Variants in PCDH9 observed in about 807,000 individuals in gnomAD.
The protein encoded by PCDH9 is protocadherin-9.
PCDH9 carries 24 observed loss-of-function variants against 70.6 expected under a neutral mutation model. The ratio of observed to expected loss-of-function variants is 0.34; its 90% CI spans 0.25 to 0.48. PCDH9 has a LOEUF of 0.48. PCDH9 is among the 20% of genes least tolerant of loss of function. PCDH9 has a pLI of 0.99. For missense variants in PCDH9, 1,281 were observed against 1,503.6 expected, an observed-to-expected ratio of 0.85 and a Z score of 2.45; for synonymous variants, 562 against 558.5, an observed-to-expected ratio of 1.01 and a Z score of -0.09.
chr13:66,472,221 A>G (rs1170444800), intron 4 of PCDH9, among the ~76,000 whole-genome samples: 2 of 151,132 alleles, frequency 1.3e-5, no homozygotes, highest in Admixed American at 1.3e-4. Context: ...CAAAAAAAAA[A>G]AAAAAAGAAA....
At chr13:66,337,742 T>C (rs1257105069) in intron 4 of PCDH9, among the ~76,000 whole-genome samples, 1 of 152,096 alleles carries the variant, frequency 6.6e-6, no homozygotes, top group African/African-American at 2.4e-5. Context: ...TTTGAGGTTA[T>C]AGTCATAGCC....
intron 2 of PCDH9, chr13:67,224,946 C>A: frequency 3.0e-6 from 3 of 998,074 alleles, no homozygotes; most frequent in Non-Finnish European, 3.6e-6. Flanking sequence ...AAAAAATTAA[C>A]CCCTTTAGCA....
intron 3 of PCDH9, among the ~76,000 whole-genome samples, chr13:66,685,589 C>G (rs2078389938): frequency 6.6e-6 from 1 of 152,180 alleles, no homozygotes; most frequent in Non-Finnish European, 1.5e-5. Context: ...CCACTGTCCT[C>G]CAGACCCCAG....
intron 4 of PCDH9, among the ~76,000 whole-genome samples, chr13:66,329,111 A>C (rs1955897314): frequency 6.6e-6 from 1 of 152,210 alleles, no homozygotes; most frequent in African/African-American, 2.4e-5. Flanking sequence ...TTGTAAAGTT[A>C]TAGTAGAGGA....
chr13:66,833,450 A>G (rs2080962964), intron 3 of PCDH9, among the ~76,000 whole-genome samples: 1 of 152,020 alleles, frequency 6.6e-6, no homozygotes, highest in South Asian at 2.1e-4. Context: ...GTACCCTAAT[A>G]TTGTCTTCCT....
intron 3 of PCDH9, among the ~76,000 whole-genome samples, chr13:66,659,376 T>C (rs187795003): frequency 1.4e-4 from 21 of 152,294 alleles, no homozygotes; most frequent in African/African-American, 4.8e-4. Context: ...CACCATTAGG[T>C]TTCATCAGAC....
Position 67,228,082 on chromosome 13 carries a change from T to A in PCDH9, c.359A>T (p.Asn120Ile). Residue 120 changes from asparagine (N) to isoleucine (I), a missense_variant, in exon 2 of 5, where the codon AAT (asparagine) becomes ATT (isoleucine). By Grantham distance (149) the Asn-to-Ile change is moderately radical (BLOSUM62 -3). Transcript: ENST00000377865. ...TATTTTGATCAGCCTGAAGAAATCA[T>A]TGGGGAGGATCACCACCTCAAGTTC... is the stretch of plus-strand genomic sequence containing the variant. ...FFELEVVILP[N>I]DFFRLIKIKI... 6.2e-7 allele frequency: 1 copy of A among 1,614,106 alleles called. No homozygotes were observed. The highest frequency in any genetic ancestry group is 8.5e-7 in the Non-Finnish European group (1 of 1,179,998).
At chr13:67,136,824 G>C (rs2087243696) in intron 2 of PCDH9, among the ~76,000 whole-genome samples, 1 of 151,842 alleles carries the variant, frequency 6.6e-6, no homozygotes, top group South Asian at 2.1e-4. Context: ...CAATCACTTG[G>C]ACATTAATTT....
chr13:66,907,230 T>C (rs1333758292), intron 2 of PCDH9, among the ~76,000 whole-genome samples: 2 of 151,938 alleles, frequency 1.3e-5, no homozygotes, highest in Non-Finnish European at 2.9e-5. Flanking sequence ...AATAAAAAAC[T>C]CTCAAGGTTC....
At chr13:66,540,992 T>G (rs1960929779) in intron 4 of PCDH9, among the ~76,000 whole-genome samples, 1 of 152,164 alleles carries the variant, frequency 6.6e-6, no homozygotes, top group Admixed American at 6.6e-5. Context: ...ATTAGGTTAG[T>G]GAATTCTCTT....
intron 2 of PCDH9, among the ~76,000 whole-genome samples, chr13:66,948,059 T>C (rs1260362824): frequency 6.6e-6 from 1 of 152,136 alleles, no homozygotes; most frequent in Admixed American, 6.6e-5. Flanking sequence ...TGTCAACTTA[T>C]GTGGATGTGT....
At chr13:66,493,418 A>G (rs1404653283) in intron 4 of PCDH9, among the ~76,000 whole-genome samples, 1 of 152,172 alleles carries the variant, frequency 6.6e-6, no homozygotes, top group Admixed American at 6.6e-5. Flanking sequence ...AACTTAGCAC[A>G]TATCTATATG....
rs1431882849 is a variant in PCDH9, at chr13:66,955,114, T to C, written c.3037-51509A>G. On this transcript the variant is annotated intron_variant, in intron 2 of 4. Coordinates refer to ENST00000377865, the MANE Select transcript of PCDH9 (RefSeq NM_203487.3). ...CCTACCGTTGCTCAAGAGCATGTTA[T>C]TGACTATTCACCATCTGATTACTTA... is the stretch of plus-strand genomic sequence containing the variant. 2.0e-5 allele frequency among the ~76,000 whole-genome samples: 3 copies of C among 152,208 alleles called. No individual in the cohort carries two copies. The East Asian group carries it at 5.8e-4, about 29-fold the overall frequency.
At chr13:66,333,403 G>A (rs1394994314) in intron 4 of PCDH9, among the ~76,000 whole-genome samples, 3 of 152,152 alleles carry the variant, frequency 2.0e-5, no homozygotes, top group Admixed American at 2.0e-4. Context: ...ACCAGCAGGG[G>A]TGCCATGTTC....
At chr13:67,175,188 T>G (rs2088417535) in intron 2 of PCDH9, among the ~76,000 whole-genome samples, 1 of 152,052 alleles carries the variant, frequency 6.6e-6, no homozygotes, top group African/African-American at 2.4e-5. Flanking sequence ...CTCTGGACAA[T>G]ATGTGTTTAT....
chr13:66,926,228 T>A (rs2082715836), intron 2 of PCDH9, among the ~76,000 whole-genome samples: 1 of 152,036 alleles, frequency 6.6e-6, no homozygotes, highest in African/African-American at 2.4e-5. Flanking sequence ...GGAAATACTG[T>A]AAAAATAACA....
chr13:66,953,292 C>CCAGA (rs2083213948), intron 2 of PCDH9, among the ~76,000 whole-genome samples: 2 of 152,108 alleles, frequency 1.3e-5, no homozygotes, highest in Admixed American at 1.3e-4. Flanking sequence ...AAGCTACATG[C>CCAGA]CAGAGTACTG....
intron 4 of PCDH9, among the ~76,000 whole-genome samples, chr13:66,560,725 CT>C (rs1961972381): frequency 6.7e-6 from 1 of 148,950 alleles, no homozygotes; most frequent in South Asian, 2.1e-4. Flanking sequence ...CTCAAGGCAT[CT>C]TTGCCCCTGG....
At chr13:66,809,103 A>G (rs1215903769) in intron 3 of PCDH9, among the ~76,000 whole-genome samples, 1 of 151,954 alleles carries the variant, frequency 6.6e-6, no homozygotes, top group Non-Finnish European at 1.5e-5. Context: ...CCCCGCCACC[A>G]CGCTCGACTA....
Sources: gnomAD v4.1 joint callset for allele counts (sites outside exome capture counted in the v4.1 genomes callset) on GRCh38, gnomAD v4.1.1 for gene constraint, MANE v1.5 for transcripts, NCBI Gene and HGNC (gene_info 2026-07-23, HGNC 2026-07-21) for gene names.